Variants in ELMO1 observed in about 807,000 individuals in gnomAD.
ELMO1 encodes the protein engulfment and cell motility protein 1.
ELMO1 carries 26 observed loss-of-function variants against 98.9 expected under a neutral mutation model. The ratio of observed to expected loss-of-function variants is 0.26; its 90% CI spans 0.19 to 0.36. The LOEUF (loss-of-function observed/expected upper bound fraction) is 0.36, where lower values mean the gene tolerates loss of function less well. Among genes scored for constraint, ELMO1 ranks in the 10% least tolerant of loss-of-function variants. The probability of loss-of-function intolerance (pLI) is 1.00; values close to 1 mark genes in which losing one functional copy is unlikely to be tolerated. For missense variants in ELMO1, 627 were observed against 935.2 expected, an observed-to-expected ratio of 0.67 and a Z score of 4.30; for synonymous variants, 346 against 346.0, an observed-to-expected ratio of 1.00 and a Z score of 0.00.
At chr7:37,320,991 A>T (rs1354762763) in intron 2 of ELMO1, among the ~76,000 whole-genome samples, 1 of 152,228 alleles carries the variant, frequency 6.6e-6, no homozygotes. Context: ...GAATTAGGCA[A>T]TTCATGGCTT....
intron 19 of ELMO1, among the ~76,000 whole-genome samples, 182 bp downstream of exon 19, chr7:36,877,828 G>T (rs920763006): frequency 2.6e-5 from 4 of 152,120 alleles, no homozygotes; most frequent in Admixed American, 2.6e-4. Context: ...CCCCTATTCA[G>T]TTCCAAACCC....
intron 15 of ELMO1, among the ~76,000 whole-genome samples, chr7:37,088,364 A>G (rs1449751088): frequency 6.6e-6 from 1 of 152,228 alleles, no homozygotes; most frequent in Non-Finnish European, 1.5e-5. Context: ...AGCACCACAG[A>G]ACTTCAGATT....
At chr7:37,355,119 G>A (rs554589696) in intron 1 of ELMO1, among the ~76,000 whole-genome samples, 28 of 152,276 alleles carry the variant, frequency 1.8e-4, no homozygotes, top group African/African-American at 6.3e-4. Flanking sequence ...ATTCCCAGAG[G>A]AGCACAGACT....
intron 2 of ELMO1, among the ~76,000 whole-genome samples, chr7:37,334,910 T>A (rs1318445572): frequency 6.6e-6 from 1 of 152,232 alleles, no homozygotes; most frequent in African/African-American, 2.4e-5. Flanking sequence ...GTAGGCGTGC[T>A]ATTATAATTT....
intron 1 of ELMO1, among the ~76,000 whole-genome samples, chr7:37,413,242 T>C (rs1270245663): frequency 6.6e-6 from 1 of 152,102 alleles, no homozygotes; most frequent in Non-Finnish European, 1.5e-5. Context: ...CACACAAGAC[T>C]TTCCTCATCT....
At chr7:37,143,515 T>C (rs1048574305) in intron 13 of ELMO1, among the ~76,000 whole-genome samples, 1 of 151,820 alleles carries the variant, frequency 6.6e-6, no homozygotes, top group Non-Finnish European at 1.5e-5. Flanking sequence ...CAAGCGATTC[T>C]CTTGCCTCAG....
At chr7:37,239,300 G>T (rs1039252956) in intron 7 of ELMO1, among the ~76,000 whole-genome samples, 2 of 152,098 alleles carry the variant, frequency 1.3e-5, no homozygotes, top group Non-Finnish European at 2.9e-5. Flanking sequence ...AAGTAGCTGG[G>T]ATTACGGGTG....
intron 13 of ELMO1, among the ~76,000 whole-genome samples, chr7:37,142,801 G>A (rs1043602879): frequency 1.3e-5 from 2 of 152,122 alleles, no homozygotes; most frequent in African/African-American, 2.4e-5. Flanking sequence ...AAATAAATAC[G>A]TAAGAAAGGA....
intron 14 of ELMO1, among the ~76,000 whole-genome samples, chr7:37,101,625 G>A (rs112077133): frequency 3.9e-5 from 6 of 152,152 alleles, no homozygotes; most frequent in East Asian, 1.9e-4. Flanking sequence ...ATAAATGCAG[G>A]GGCTCTTAGG....
chr7:37,319,982 A>G (rs10252672), intron 2 of ELMO1, among the ~76,000 whole-genome samples: 37,598 of 152,104 alleles, frequency 0.25, 5,947 homozygotes, highest in African/African-American at 0.45. Context: ...CCAGCTGAGC[A>G]TGGTGGCTCA....
Position 37,126,754 on chromosome 7 carries a change from G to C in ELMO1, c.1191+6376C>G, listed in dbSNP as rs554617707. 1.4e-4 allele frequency among the ~76,000 whole-genome samples: 22 copies of C among 152,270 alleles called. No individual in the cohort carries two copies. The South Asian group carries it at 4.6e-3, about 32-fold the overall frequency. On this transcript the variant is annotated intron_variant, in intron 14 of 21. Transcript: ENST00000310758. ...GATCCTGCCTTTCTTCACCACCACAGCCACTGCGCATGGCTCCACGCAGGC... is the reference window on the plus strand; with the variant it reads ...GATCCTGCCTTTCTTCACCACCACACCCACTGCGCATGGCTCCACGCAGGC...
At chr7:37,181,069 G>A (rs1482713355) in intron 13 of ELMO1, among the ~76,000 whole-genome samples, 1 of 152,108 alleles carries the variant, frequency 6.6e-6, no homozygotes, top group African/African-American at 2.4e-5. Context: ...ACTTTAACAT[G>A]CTTAATTTTA....
At chr7:37,348,471 G>C (rs1801113082) in intron 1 of ELMO1, among the ~76,000 whole-genome samples, 1 of 151,930 alleles carries the variant, frequency 6.6e-6, no homozygotes, top group Non-Finnish European at 1.5e-5. Flanking sequence ...AAAAATATGG[G>C]AATTGTTCCA....
chr7:37,163,068 A>G (rs939457935), intron 13 of ELMO1, among the ~76,000 whole-genome samples: 1 of 152,176 alleles, frequency 6.6e-6, no homozygotes, highest in African/African-American at 2.4e-5. Flanking sequence ...TTCTTAACCC[A>G]TTGGCTATAA....
At chr7:37,399,777 T>C (rs1803448778) in intron 1 of ELMO1, among the ~76,000 whole-genome samples, 1 of 152,222 alleles carries the variant, frequency 6.6e-6, no homozygotes, top group South Asian at 2.1e-4. Flanking sequence ...GACCATTTCC[T>C]GTATAATTTC....
chr7:37,148,874 T>C (rs745401324), intron 13 of ELMO1, among the ~76,000 whole-genome samples: 1 of 152,218 alleles, frequency 6.6e-6, no homozygotes, highest in Non-Finnish European at 1.5e-5. Context: ...TAAATACATG[T>C]CATGTACAGT....
At chr7:36,878,617 C>T (rs760919620) in intron 18 of ELMO1, among the ~76,000 whole-genome samples, 46 of 152,274 alleles carry the variant, frequency 3.0e-4, no homozygotes, top group Admixed American at 1.2e-3. Flanking sequence ...GCACATTAAT[C>T]ATGAACGAAT....
chr7:37,329,506 G>C (rs1799989686), intron 2 of ELMO1, among the ~76,000 whole-genome samples: 1 of 152,164 alleles, frequency 6.6e-6, no homozygotes, highest in Non-Finnish European at 1.5e-5. Flanking sequence ...GCATAATCAG[G>C]TGTGCAATCT....
At chr7:37,347,343 C>G (rs910897232) in intron 1 of ELMO1, among the ~76,000 whole-genome samples, 2 of 152,162 alleles carry the variant, frequency 1.3e-5, no homozygotes, top group Non-Finnish European at 1.5e-5. Flanking sequence ...GGAGCTGCCC[C>G]GAGCATTGCA....
Sources: gnomAD v4.1 joint callset for allele counts (sites outside exome capture counted in the v4.1 genomes callset) on GRCh38, gnomAD v4.1.1 for gene constraint, MANE v1.5 for transcripts, NCBI Gene and HGNC (gene_info 2026-07-23, HGNC 2026-07-21) for gene names.